CCDC171: variants seen among roughly 807,000 people sequenced by gnomAD.
The protein encoded by CCDC171 is coiled-coil domain-containing protein 171.
A neutral mutation model predicts 168.2 loss-of-function variants in CCDC171; 177 were observed. That is an observed-to-expected ratio of 1.05 (90% CI 0.93 to 1.19). The LOEUF is 1.19. Ranked by LOEUF, CCDC171 falls within the 50% of genes most tolerant of loss-of-function variation. The pLI, the probability that CCDC171 is intolerant of heterozygous loss-of-function variation, is 0.00. For synonymous variants in CCDC171, 687 were observed against 540.8 expected, an observed-to-expected ratio of 1.27 and a Z score of -3.75; for missense variants, 1,991 against 1,539.0, an observed-to-expected ratio of 1.29 and a Z score of -4.91.
rs569575827 is a variant in CCDC171 at position 15,645,497 on chromosome 9, G to GA, written c.823-11624dup. 5.5e-4 allele frequency among the ~76,000 whole-genome samples: 84 copies of GA among 152,214 alleles called. 1 individual carries two copies. In the East Asian group the frequency reaches 0.014, roughly 26 times the overall value. ...CCATTGTGAAGAAGCTAAAAATGTT[G>GA]AAAAAAGGTTGGACGAATGGCTAAC... On this transcript the variant is annotated intron_variant, in intron 7 of 25. Coordinates refer to ENST00000380701, the MANE Select transcript of CCDC171 (RefSeq NM_173550.4).
intron 21 of CCDC171, among the ~76,000 whole-genome samples, chr9:15,794,276 C>T (rs2058434183): frequency 6.6e-6 from 1 of 152,036 alleles, no homozygotes; most frequent in African/African-American, 2.4e-5. Context: ...AGCAGCCTGG[C>T]CAACATGGTG....
intron 23 of CCDC171, among the ~76,000 whole-genome samples, chr9:15,856,244 A>G (rs886558775): frequency 2.6e-5 from 4 of 151,924 alleles, no homozygotes; most frequent in African/African-American, 9.7e-5. Flanking sequence ...AATATTGTTA[A>G]CCACAGGTAC....
chr9:15,576,801 TC>T (rs1433498215), intron 3 of CCDC171, among the ~76,000 whole-genome samples: 1 of 152,212 alleles, frequency 6.6e-6, no homozygotes, highest in Non-Finnish European at 1.5e-5. Flanking sequence ...AGCTATTTCC[TC>T]CTGGAGCAGA....
At chr9:15,903,662 A>G (rs968960943) in intron 24 of CCDC171, among the ~76,000 whole-genome samples, 2 of 152,224 alleles carry the variant, frequency 1.3e-5, no homozygotes, top group African/African-American at 4.8e-5. Context: ...CAGCAACGGA[A>G]GAAAGCTGGA....
At chr9:15,991,420 A>G (rs371241441) in intron 3 of CCDC171, among the ~76,000 whole-genome samples, 6 of 144,014 alleles carry the variant, frequency 4.2e-5, no homozygotes, top group African/African-American at 5.9e-5. Context: ...TCTGGGACAC[A>G]TTCAAAGAAG....
At chr9:16,013,272 G>C (rs12684919) in intron 3 of CCDC171, among the ~76,000 whole-genome samples, 7,484 of 152,136 alleles carry the variant, frequency 0.049, 398 homozygotes, top group African/African-American at 0.12. Context: ...AGCCTCTCCA[G>C]TCAGGCCATC....
chr9:15,998,339 C>T (rs974236482), intron 3 of CCDC171, among the ~76,000 whole-genome samples: 6 of 152,190 alleles, frequency 3.9e-5, no homozygotes, highest in Non-Finnish European at 8.8e-5. Flanking sequence ...CTGACTTCTT[C>T]TGGGTTGTTC....
chr9:15,826,217 A>G (rs2060004954), intron 21 of CCDC171, among the ~76,000 whole-genome samples: 2 of 151,952 alleles, frequency 1.3e-5, no homozygotes. Flanking sequence ...ATAGTTTTTA[A>G]AACTGGTGTT....
rs200559986 is a variant in CCDC171, at chr9:15,850,516, CCT to C, written c.3468+1574_3468+1575del. Among the ~76,000 whole-genome samples, 89 of 151,916 alleles carry C rather than the reference CCT, an allele frequency of 5.9e-4. No homozygotes were observed. The East Asian group carries it at 0.016, about 26-fold the overall frequency. On this transcript the variant is annotated intron_variant, in intron 23 of 25. Coordinates refer to ENST00000380701, the MANE Select transcript of CCDC171 (RefSeq NM_173550.4). ...GATTTGCTTTTGCTTTATGGCTTTT[CCT>C]CTCTTCAGATTTAGTAGTTAATTAT...
chr9:15,602,897 A>C (rs1366700246), intron 6 of CCDC171, among the ~76,000 whole-genome samples: 1 of 152,076 alleles, frequency 6.6e-6, no homozygotes, highest in Non-Finnish European at 1.5e-5. Flanking sequence ...ACCTCAGGCG[A>C]TCTGCCTGCC....
At chr9:15,573,579 G>A (rs557035196) in intron 3 of CCDC171, among the ~76,000 whole-genome samples, 128 of 152,082 alleles carry the variant, frequency 8.4e-4, no homozygotes, top group African/African-American at 2.9e-3. Context: ...ACTGTGCCCC[G>A]CCCAATTGAG....
chr9:16,015,003 C>G (rs1443031140), intron 3 of CCDC171, among the ~76,000 whole-genome samples: 1 of 152,050 alleles, frequency 6.6e-6, no homozygotes, highest in Non-Finnish European at 1.5e-5. Context: ...CAATATAAGA[C>G]TGTTTCGTCT....
intron 16 of CCDC171, among the ~76,000 whole-genome samples, chr9:15,734,920 C>G (rs996516821): frequency 3.9e-5 from 6 of 152,028 alleles, no homozygotes. Context: ...ATTCCATCTG[C>G]TGGGAAACAA....
At position 15,727,875 on chromosome 9, in the gene CCDC171, C is replaced by G. The variant is rs762167760; in HGVS notation, c.1699C>G (p.Leu567Val). 2.0e-5 allele frequency: 32 copies of G among 1,599,724 alleles called. No individual in the cohort carries two copies. Among genetic ancestry groups the G allele is most frequent in the South Asian group, 1.6e-4 (14 of 87,630 alleles). ...TCTTTTTTTTTTCCTGCAGGAGAAGCTAACCTTCCTTCACACCTTATATCA... is the reference window on the plus strand; with the variant it reads ...TCTTTTTTTTTTCCTGCAGGAGAAGGTAACCTTCCTTCACACCTTATATCA... Reference protein sequence around the residue: ...QAFHKDAEEKLTFLHTLYQHL... With the variant: ...QAFHKDAEEKVTFLHTLYQHL... The change falls in exon 15 of 26, where the codon CTA (leucine) becomes GTA (valine). Residue 567 changes from leucine (L) to valine (V), a missense_variant. By Grantham distance (32) the Leu-to-Val change is conservative (BLOSUM62 1). Coordinates refer to ENST00000380701, the MANE Select transcript of CCDC171 (RefSeq NM_173550.4).
chr9:15,595,520 T>G (rs940055781), intron 6 of CCDC171, among the ~76,000 whole-genome samples: 29 of 152,248 alleles, frequency 1.9e-4, no homozygotes, highest in Non-Finnish European at 3.8e-4. Flanking sequence ...GGTGTATATG[T>G]GCTGCATTTT....
intron 4 of CCDC171, among the ~76,000 whole-genome samples, chr9:16,021,039 C>T (rs979091597): frequency 6.6e-6 from 1 of 152,184 alleles, no homozygotes; most frequent in African/African-American, 2.4e-5. Flanking sequence ...TTGTTATATG[C>T]TTTTTGCTAT....
At chr9:15,945,384 G>A (rs896867378) in intron 25 of CCDC171, among the ~76,000 whole-genome samples, 2 of 148,544 alleles carry the variant, frequency 1.3e-5, no homozygotes, top group African/African-American at 4.9e-5. Flanking sequence ...TAGTCCTTTG[G>A]GTATATACCC....
At chr9:15,795,363 C>T (rs1267032893) in intron 21 of CCDC171, among the ~76,000 whole-genome samples, 2 of 152,188 alleles carry the variant, frequency 1.3e-5, no homozygotes, top group Non-Finnish European at 2.9e-5. Flanking sequence ...CACCTCTCAG[C>T]ACTGTTGCAT....
intron 18 of CCDC171, among the ~76,000 whole-genome samples, chr9:15,756,032 A>G (rs1251048737): frequency 6.6e-6 from 1 of 152,178 alleles, no homozygotes; most frequent in Non-Finnish European, 1.5e-5. Context: ...CAGGAAGGCA[A>G]AAGCTTTCCC....
Sources: gnomAD v4.1 joint callset for allele counts (sites outside exome capture counted in the v4.1 genomes callset) on GRCh38, gnomAD v4.1.1 for gene constraint, MANE v1.5 for transcripts, NCBI Gene and HGNC (gene_info 2026-07-23, HGNC 2026-07-21) for gene names.